The following ABCC5 variants were observed in gnomAD, a reference collection of about 807,000 sequenced individuals.
ABCC5 encodes the protein ATP binding cassette subfamily C member 5.
ABCC5 carries 61 observed loss-of-function variants against 160.9 expected under a neutral mutation model. That is an observed-to-expected ratio of 0.38 (90% confidence interval 0.31 to 0.47). The LOEUF is 0.47. Ranked by LOEUF, ABCC5 falls within the 20% of genes least tolerant of loss-of-function variation. The pLI is 0.99. For synonymous variants in ABCC5, 666 were observed against 700.6 expected (o/e 0.95, Z 0.78); for missense variants, 1,308 against 1,813.3 (o/e 0.72, Z 5.06).
At chr3:184,004,405 G>A (rs1721000151) in intron 2 of ABCC5, among the ~76,000 whole-genome samples, 1 of 151,128 alleles carries the variant, frequency 6.6e-6, no homozygotes, top group South Asian at 2.1e-4. Flanking sequence ...AGGTACTTGG[G>A]AGACTGAGGG....
chr3:184,002,462 G>C (rs183448951), intron 2 of ABCC5, among the ~76,000 whole-genome samples: 2 of 152,156 alleles, frequency 1.3e-5, no homozygotes, highest in Non-Finnish European at 1.5e-5. Flanking sequence ...TTCTGTCAAG[G>C]TTCAAACAAA....
intron 2 of ABCC5, among the ~76,000 whole-genome samples, chr3:183,990,098 C>T (rs928616754): frequency 2.8e-4 from 42 of 150,690 alleles, no homozygotes; most frequent in African/African-American, 8.3e-4. Flanking sequence ...CCACCGCGCC[C>T]GGCCCTGTTT....
rs1471614379 is a variant in ABCC5 at position 184,017,556 on chromosome 3, G to A, written c.-56+274C>T. 1 of 152,072 alleles carries A rather than the reference G, an allele frequency of 6.6e-6. No homozygotes were observed. Among genetic ancestry groups the A allele is most frequent in the Non-Finnish European group, 1.5e-5 (1 of 68,040 alleles). 9.4% of individuals were successfully genotyped at this position (152,072 alleles called of 1,614,324 possible). ...GGGCGCAGCGCCCCCTGGCGGCCGCGGCCAGGGACGTAGCCCGCGTCCCTG... is the reference window on the plus strand; with the variant it reads ...GGGCGCAGCGCCCCCTGGCGGCCGCAGCCAGGGACGTAGCCCGCGTCCCTG... On this transcript the variant is annotated intron_variant, in intron 1 of 29. Coordinates refer to ENST00000334444, the MANE Select transcript of ABCC5 (RefSeq NM_005688.4). This position sits in a 1 kb window ranked among gnomAD's most constrained non-coding sequence, Gnocchi z 4.5.
Position 183,956,469 on chromosome 3 carries a change from T to G in ABCC5, c.2483-3199A>C, listed in dbSNP as rs191098579. Among the ~76,000 whole-genome samples, 5 of 151,214 alleles carry G rather than the reference T, an allele frequency of 3.3e-5. No homozygotes were observed. In the East Asian group the frequency reaches 9.9e-4, roughly 30 times the overall value. On this transcript the variant is annotated intron_variant, in intron 17 of 29. Transcript: ENST00000334444. ...GTAAATCACATCGGTTACATGCGGA[T>G]CCGTGTGTATATCACATCTGTTACA... is the stretch of plus-strand genomic sequence containing the variant.
At chr3:184,009,308 T>G (rs1182506972) in intron 2 of ABCC5, among the ~76,000 whole-genome samples, 1 of 152,206 alleles carries the variant, frequency 6.6e-6, no homozygotes, top group Non-Finnish European at 1.5e-5. Flanking sequence ...TTTTGACAGA[T>G]AGTAGGCATA....
chr3:183,940,462 G>GAAAAAAAAAAA (rs537025178), intron 25 of ABCC5, among the ~76,000 whole-genome samples: 1 of 64,618 alleles, frequency 1.5e-5, no homozygotes, highest in Non-Finnish European at 3.0e-5. Context: ...TCTGTCTCAG[G>GAAAAAAAAAAA]AAAAAAAAAA....
In ABCC5 at chr3:183,981,826, C is replaced by G; in HGVS notation, c.1048G>C (p.Ala350Pro). The change falls in exon 8 of 30, where the codon GCC becomes CCC. Residue 350 changes from alanine to proline, a missense_variant. By Grantham distance (27) the Ala-to-Pro change is conservative. Transcript: ENST00000334444. ...ATCTTCTGGACACGTTCATCCGTGG[C>G]GGCCACGCATTTTCTCCTGAAATAT... The part of the protein sequence containing the change: ...TAYFRRKCVA[A>P]TDERVQKMNE... 1.2e-6 allele frequency: 2 copies of G among 1,610,738 alleles called. No individual in the cohort carries two copies. The highest frequency in any genetic ancestry group is 1.7e-6 in the Non-Finnish European group (2 of 1,179,102).
rs1260463140 is a variant in ABCC5, at chr3:183,959,770, T to C, written c.2445A>G (p.Gly815=). 6.2e-7 allele frequency: 1 copy of C among 1,613,074 alleles called. No individual in the cohort carries two copies. Among genetic ancestry groups the C allele is most frequent in the Admixed American group, 1.7e-5 (1 of 59,942 alleles). The change falls in exon 17 of 30, where the codon GGA becomes GGG. Residue 815 remains glycine, a synonymous_variant. Coordinates refer to ENST00000334444, the MANE Select transcript of ABCC5 (RefSeq NM_005688.4). ...KKSQDKGPKT[G]SVKKEKAVKP... ...TTACTGCTTTTTCCTTCTTTACTGA[T>C]CCTGTTTTAGGACCCTTGTCTTGTG...
At chr3:183,979,424 A>T (rs77854111) in intron 8 of ABCC5, among the ~76,000 whole-genome samples, 1 of 152,096 alleles carries the variant, frequency 6.6e-6, no homozygotes, top group African/African-American at 2.4e-5. Flanking sequence ...GTGGGATAGA[A>T]GCTTCCATAT....
At chr3:183,957,133 C>A (rs868472681) in intron 17 of ABCC5, among the ~76,000 whole-genome samples, 15 of 111,002 alleles carry the variant, frequency 1.4e-4, no homozygotes, top group African/African-American at 4.7e-4. Flanking sequence ...ACATCGGTTA[C>A]ATGCGGGTCC....
intron 17 of ABCC5, among the ~76,000 whole-genome samples, chr3:183,956,215 CGTGTGT>C (rs1560003705): frequency 6.9e-6 from 1 of 145,190 alleles, no homozygotes; most frequent in Non-Finnish European, 1.5e-5. Context: ...CATGCAGATC[CGTGTGT>C]AAATCACATC....
chr3:183,938,474 T>C (rs1713964472), intron 25 of ABCC5, among the ~76,000 whole-genome samples: 1 of 152,140 alleles, frequency 6.6e-6, no homozygotes, highest in Admixed American at 6.6e-5. Flanking sequence ...AATTTTTGTA[T>C]TTTTAGTAGA....
At chr3:184,009,926 C>T (rs1306619619) in intron 2 of ABCC5, 1 of 420,940 alleles carries the variant, frequency 2.4e-6, no homozygotes, top group Non-Finnish European at 4.8e-6. Flanking sequence ...AGGCGGGAGG[C>T]TTGCTTGAAG....
chr3:183,948,798 G>A (rs1328977807), intron 22 of ABCC5, among the ~76,000 whole-genome samples: 1 of 152,220 alleles, frequency 6.6e-6, no homozygotes, highest in Non-Finnish European at 1.5e-5. Context: ...TGTCTCCTGG[G>A]TTCAAGTGAT....
In ABCC5 at chr3:183,961,631, C is replaced by T. The variant is rs771695920; in HGVS notation, c.2259G>A (p.Val753=). 3.7e-6 allele frequency: 6 copies of T among 1,614,202 alleles called. No homozygotes were observed. In the Admixed American group the frequency reaches 1.0e-4, roughly 27 times the overall value. ...QLQYLVDCDE[V]IFMKEGCITE... ...TAATACAGCCCTCTTTCATGAAGAT[C>T]ACTTCATCACAGTCAACCAGGTACT... The change falls in exon 16 of 30, where the codon GTG becomes GTA. Residue 753 remains valine, a synonymous_variant. Transcript: ENST00000334444.
At chr3:183,967,393 A>G (rs1717321551) in intron 12 of ABCC5, 1 of 337,698 alleles carries the variant, frequency 3.0e-6, no homozygotes, top group South Asian at 2.8e-5. Flanking sequence ...TGACATTTTC[A>G]ATACACGGGC....
Position 184,014,376 on chromosome 3 carries a change from A to G in ABCC5, c.17T>C (p.Ile6Thr). 3 of 1,613,310 alleles carry G rather than the reference A, an allele frequency of 1.9e-6. No individual in the cohort carries two copies. The highest frequency in any genetic ancestry group is 2.5e-6 in the Non-Finnish European group (3 of 1,179,630). The change falls in exon 2 of 30, where the codon ATA becomes ACA. Residue 6 changes from isoleucine (I) to threonine (T), a missense_variant. By Grantham distance (89) the Ile-to-Thr change is moderately conservative. This residue lies in a region of ABCC5 where 1,142 missense variants were observed against 1,527.1 expected (regional missense o/e 0.75). Coordinates refer to ENST00000334444, the MANE Select transcript of ABCC5 (RefSeq NM_005688.4). ...ACTGGGGATGATATACTCTTTTCCT[A>G]TGTCGATATCCTTCATCTTCTCTGA... MKDIDIGKEYIIPSPG... is the reference protein window; with the variant it reads MKDIDTGKEYIIPSPG...
rs1719333317 is a variant in ABCC5, at chr3:183,987,543, A to AC, written c.591+226dup. The AC allele has an allele frequency of 1.6e-6, 1 of 636,126 alleles. No homozygotes were observed. The highest frequency in any genetic ancestry group is 2.6e-5 in the Admixed American group (1 of 39,054). 39.4% of individuals were successfully genotyped at this position (636,126 alleles called of 1,614,324 possible). A position where few individuals can be genotyped will look rare whatever the true frequency, so the allele number is the denominator to read the frequency against. On this transcript the variant is annotated intron_variant, in intron 5 of 29. Transcript: ENST00000334444. The surrounding 1 kb of genome is among the most constrained non-coding windows in gnomAD (Gnocchi z 4.2). ...GCAGAACTGGAGTCAGTTCCATTTC[A>AC]CCCCCACCCAGAAATCAAGCCAGTT...
At chr3:183,989,011 A>G (rs1316564861) in intron 3 of ABCC5, among the ~76,000 whole-genome samples, 1 of 151,856 alleles carries the variant, frequency 6.6e-6, no homozygotes, top group East Asian at 1.9e-4. Flanking sequence ...TAAAAATACA[A>G]AAAAATTAGC....
Sources: gnomAD v4.1 joint callset for allele counts (sites outside exome capture counted in the v4.1 genomes callset) on GRCh38, gnomAD v4.1.1 for gene constraint, gnomAD v4.1.1 regional missense constraint, Gnocchi (gnomAD v3.1) non-coding constraint, MANE v1.5 for transcripts, NCBI Gene and HGNC (gene_info 2026-07-23, HGNC 2026-07-21) for gene names.